Variants in SPRR3 observed in about 807,000 individuals in gnomAD.
SPRR3 encodes the protein small proline-rich protein 3.
For missense variants in SPRR3, 183 were observed against 200.3 expected (o/e 0.91, Z 0.52); for synonymous variants, 58 against 72.3 (o/e 0.80, Z 1.01).
Position 153,003,550 on chromosome 1 carries a change from C to T in SPRR3, c.*20C>T. ...AAGTAATTTGGTGCACAGACAAGCC[C>T]TTGAGAAGCCAACCACCAGATGCTG... On this transcript the variant is annotated 3_prime_UTR_variant, in exon 2 of 2. Transcript: ENST00000295367. 1.9e-6 allele frequency: 3 copies of T among 1,609,664 alleles called. No homozygotes were observed. The highest frequency in any genetic ancestry group is 2.5e-6 in the Non-Finnish European group (3 of 1,176,784).
At position 153,003,418 on chromosome 1, in the gene SPRR3, T is replaced by A; in HGVS notation, c.398T>A (p.Val133Asp). ...IKFPEPGAIK[V>D]PEQGYTKVPV... ...TTTCCTGAGCCAGGTGCCATCAAAGTTCCTGAGCAAGGATACACCAAAGTT... is the reference window on the plus strand; with the variant it reads ...TTTCCTGAGCCAGGTGCCATCAAAGATCCTGAGCAAGGATACACCAAAGTT... The change falls in exon 2 of 2, where the codon GTT (valine) becomes GAT (aspartate). Residue 133 changes from valine to aspartate, a missense_variant. Transcript: ENST00000295367. 6.2e-7 allele frequency: 1 copy of A among 1,614,086 alleles called. No individual in the cohort carries two copies. The highest frequency in any genetic ancestry group is 8.5e-7 in the Non-Finnish European group (1 of 1,180,008).
rs1553220487 is a variant in SPRR3, at chr1:153,003,197, C to T, written c.177C>T (p.Thr59=). The part of the protein sequence containing the change: ...GNTKIPEPGC[T]KVPEPGCTKV... ...CAAAGATTCCAGAGCCAGGCTGTAC[C>T]AAGGTCCCTGAGCCAGGCTGTACCA... The change falls in exon 2 of 2, where the codon ACC becomes ACT. Residue 59 remains threonine, a synonymous_variant. Transcript: ENST00000295367. The T allele has an allele frequency of 2.6e-6, 4 of 1,518,224 alleles. No individual in the cohort carries two copies. The highest frequency in any genetic ancestry group is 2.7e-6 in the Non-Finnish European group (3 of 1,131,484). 94.0% of individuals were successfully genotyped at this position (1,518,224 alleles called of 1,614,324 possible).
chr1:153,003,795 G>T lies in SPRR3; in HGVS notation c.*265G>T, dbSNP rs936585709. 13 of 519,232 alleles carry T rather than the reference G, an allele frequency of 2.5e-5. No individual in the cohort carries two copies. Among genetic ancestry groups the T allele is most frequent in the Non-Finnish European group, 4.5e-5 (13 of 288,178 alleles). The allele number at this position is 519,232 out of a possible 1,614,324, so 32.2% of individuals were successfully genotyped here. On this transcript the variant is annotated 3_prime_UTR_variant, in exon 2 of 2. Transcript: ENST00000295367. ...TTCGGCTGCTCAGGGTTCATCTGAA[G>T]ATTCGAATGAAAAGAAATGCATGTT...
At position 153,003,577 on chromosome 1, in the gene SPRR3, A is replaced by G. The variant is rs146538341; in HGVS notation, c.*47A>G. On this transcript the variant is annotated 3_prime_UTR_variant, in exon 2 of 2. Transcript: ENST00000295367. Reference sequence around the variant, plus strand: ...TGAGAAGCCAACCACCAGATGCTGGACACCCTCTTCCCATCTGTTTCTGTG... The same window carrying G: ...TGAGAAGCCAACCACCAGATGCTGGGCACCCTCTTCCCATCTGTTTCTGTG... 548 of 1,600,272 alleles carry G rather than the reference A, an allele frequency of 3.4e-4. 5 individuals carry two copies. In the East Asian group the frequency reaches 9.5e-3, roughly 28 times the overall value.
chr1:153,003,210 C>T lies in SPRR3; in HGVS notation c.190C>T (p.Pro64Ser), dbSNP rs2101572166. 1 of 1,589,414 alleles carries T rather than the reference C, an allele frequency of 6.3e-7. No homozygotes were observed. Among genetic ancestry groups the T allele is most frequent in the Non-Finnish European group, 8.6e-7 (1 of 1,167,098 alleles). ...PEPGCTKVPE[P>S]GCTKVPEPGC... is the part of the protein sequence containing the mutation. ...GCCAGGCTGTACCAAGGTCCCTGAG[C>T]CAGGCTGTACCAAGGTCCCTGAGCC... Residue 64 changes from proline to serine, a missense_variant, in exon 2 of 2, where the codon CCA (proline) becomes TCA (serine). Transcript: ENST00000295367.
intron 1 of SPRR3, chr1:153,002,352 C>T (rs1214300746): frequency 6.6e-6 from 1 of 152,608 alleles, no homozygotes; most frequent in Non-Finnish European, 1.5e-5. Flanking sequence ...TGAACAGAGG[C>T]TCCCAGGTGG....
chr1:153,003,125 C>G lies in SPRR3; in HGVS notation c.105C>G (p.Pro35=). 1 of 1,614,084 alleles carries G rather than the reference C, an allele frequency of 6.2e-7. No homozygotes were observed. Among genetic ancestry groups the G allele is most frequent in the Non-Finnish European group, 8.5e-7 (1 of 1,180,024 alleles). ...SQPPPQEIFV[P]TTKEPCHSKV... Reference sequence around the variant, plus strand: ...CTCCACCTCAGGAAATATTTGTTCCCACAACCAAGGAGCCATGCCACTCAA... The same window carrying G: ...CTCCACCTCAGGAAATATTTGTTCCGACAACCAAGGAGCCATGCCACTCAA... The change falls in exon 2 of 2, where the codon CCC becomes CCG. Residue 35 remains proline, a synonymous_variant. Transcript: ENST00000295367.
rs1420565927 is a variant in SPRR3, at chr1:153,003,777, G to A, written c.*247G>A. The stretch of plus-strand genomic sequence containing the variant: ...TTCATGGCTTTTCTGGTCTTCGGCT[G>A]CTCAGGGTTCATCTGAAGATTCGAA... On this transcript the variant is annotated 3_prime_UTR_variant, in exon 2 of 2. Coordinates refer to ENST00000295367, the MANE Select transcript of SPRR3 (RefSeq NM_001097589.2). 3.6e-6 allele frequency: 2 copies of A among 562,402 alleles called. No homozygotes were observed. The highest frequency in any genetic ancestry group is 2.9e-5 in the South Asian group (1 of 33,962). 34.8% of individuals were successfully genotyped at this position (562,402 alleles called of 1,614,324 possible).
Position 153,003,058 on chromosome 1 carries a change from C to G in SPRR3, c.38C>G (p.Pro13Arg). 6.2e-7 allele frequency: 1 copy of G among 1,614,122 alleles called. No homozygotes were observed. The highest frequency in any genetic ancestry group is 8.5e-7 in the Non-Finnish European group (1 of 1,180,006). The change falls in exon 2 of 2, where the codon CCA (proline) becomes CGA (arginine). Residue 13 changes from proline to arginine, a missense_variant. Physicochemically the swap from Pro to Arg is moderately radical, Grantham distance 103. Coordinates refer to ENST00000295367, the MANE Select transcript of SPRR3 (RefSeq NM_001097589.2). ...CAGCAGAAGCAGACCTTTACCCCACCACCTCAGCTTCAACAGCAGCAGGTG... is the reference window on the plus strand; with the variant it reads ...CAGCAGAAGCAGACCTTTACCCCACGACCTCAGCTTCAACAGCAGCAGGTG... ...SYQQKQTFTP[P>R]PQLQQQQVKQ...
intron 1 of SPRR3, chr1:153,002,024 C>A (rs1031880291): frequency 2.0e-5 from 3 of 152,160 alleles, no homozygotes; most frequent in African/African-American, 7.2e-5. Context: ...ACAATATACC[C>A]ACTTCAAGAG....
chr1:153,002,895 A>G, intron 1 of SPRR3, 107 bp from the exon 2 acceptor site: 1 of 1,219,766 alleles, frequency 8.2e-7, no homozygotes, highest in South Asian at 1.6e-5. Context: ...AAAGAAAGAA[A>G]AGAGAGGCTC....
Position 153,003,766 on chromosome 1 carries a change from G to A in SPRR3, c.*236G>A. On this transcript the variant is annotated 3_prime_UTR_variant, in exon 2 of 2. Transcript: ENST00000295367. ...AGCAGAAAGTCTTCATGGCTTTTCT[G>A]GTCTTCGGCTGCTCAGGGTTCATCT... is the stretch of plus-strand genomic sequence containing the variant. 3.4e-6 allele frequency: 2 copies of A among 593,218 alleles called. No individual in the cohort carries two copies. The highest frequency in any genetic ancestry group is 5.9e-6 in the Non-Finnish European group (2 of 340,426). 36.7% of individuals were successfully genotyped at this position (593,218 alleles called of 1,614,324 possible).
In SPRR3 at chr1:153,003,189, GGCTGT is replaced by G. The variant is rs770044412; in HGVS notation, c.170_174del (p.Gly57AspfsTer5). 3 of 1,524,896 alleles carry G rather than the reference GGCTGT, an allele frequency of 2.0e-6. No homozygotes were observed. The highest frequency in any genetic ancestry group is 2.4e-5 in the South Asian group (2 of 84,120). 94.5% of individuals were successfully genotyped at this position (1,524,896 alleles called of 1,614,324 possible). ...TGGAAACACAAAGATTCCAGAGCCA[GGCTGT>G]ACCAAGGTCCCTGAGCCAGGCTGTA... On this transcript the variant is annotated frameshift_variant, in exon 2 of 2. Transcript: ENST00000295367. LOFTEE classifies it low-confidence loss of function (END_TRUNC).
In SPRR3 at chr1:153,003,820, T is replaced by G; in HGVS notation, c.*290T>G. The G allele has an allele frequency of 4.3e-6, 2 of 467,750 alleles. No homozygotes were observed. Among genetic ancestry groups the G allele is most frequent in the Non-Finnish European group, 3.9e-6 (1 of 253,550 alleles). 29.0% of individuals were successfully genotyped at this position (467,750 alleles called of 1,614,324 possible). A position where few individuals can be genotyped will look rare whatever the true frequency, so the allele number is the denominator to read the frequency against. On this transcript the variant is annotated 3_prime_UTR_variant, in exon 2 of 2. Transcript: ENST00000295367. The stretch of plus-strand genomic sequence containing the variant: ...GATTCGAATGAAAAGAAATGCATGT[T>G]TCCTGCTCTTCCCTCATTAAATTGC...
rs750105068 is a variant in SPRR3, at chr1:153,003,346, TC to T, written c.329del (p.Pro110LeufsTer90). On this transcript the variant is annotated frameshift_variant, in exon 2 of 2. Coordinates refer to ENST00000295367, the MANE Select transcript of SPRR3 (RefSeq NM_001097589.2). LOFTEE classifies it low-confidence loss of function (END_TRUNC). ...GTCCCTGAGCCAGGCTACACCAAGGTCCCTGAACCAGGCAGCATCAAGGTCC... is the reference window on the plus strand; with the variant it reads ...GTCCCTGAGCCAGGCTACACCAAGGTCCTGAACCAGGCAGCATCAAGGTCC... ...TKVPEPGYTK[V>X]PEPGSIKVPD... 6.2e-7 allele frequency: 1 copy of T among 1,609,694 alleles called. No individual in the cohort carries two copies.
rs774269402 is a variant in SPRR3 at position 153,003,203 on chromosome 1, CCCTGAGCCAGGCTGTACCA to C, written c.184_202del (p.Pro62ArgfsTer132). 18 of 1,193,302 alleles carry C rather than the reference CCCTGAGCCAGGCTGTACCA, an allele frequency of 1.5e-5. No homozygotes were observed. The highest frequency in any genetic ancestry group is 1.3e-4 in the East Asian group (2 of 15,384). 73.9% of individuals were successfully genotyped at this position (1,193,302 alleles called of 1,614,324 possible). A position where few individuals can be genotyped will look rare whatever the true frequency, so the allele number is the denominator to read the frequency against. On this transcript the variant is annotated frameshift_variant, in exon 2 of 2. Transcript: ENST00000295367. LOFTEE classifies it low-confidence loss of function (END_TRUNC). ...TTCCAGAGCCAGGCTGTACCAAGGT[CCCTGAGCCAGGCTGTACCA>C]AGGTCCCTGAGCCAGGCTGTACCAA...
At chr1:153,002,461 A>AT in intron 1 of SPRR3, 3 of 158,602 alleles carry the variant, frequency 1.9e-5, no homozygotes, top group South Asian at 1.8e-4. Flanking sequence ...TAGACTGCTG[A>AT]CCTTAAAATC....
In SPRR3 at chr1:153,003,381, G is replaced by A; in HGVS notation, c.361G>A (p.Gly121Ser). The A allele has an allele frequency of 6.2e-7, 1 of 1,614,048 alleles. No individual in the cohort carries two copies. Among genetic ancestry groups the A allele is most frequent in the Non-Finnish European group, 8.5e-7 (1 of 1,179,970 alleles). Residue 121 changes from glycine to serine, a missense_variant, in exon 2 of 2, where the codon GGC (glycine) becomes AGC (serine). Physicochemically the swap from Gly to Ser is moderately conservative, Grantham distance 56. Transcript: ENST00000295367. Reference protein sequence around the residue: ...EPGSIKVPDQGFIKFPEPGAI... With the variant: ...EPGSIKVPDQSFIKFPEPGAI... ...AGGCAGCATCAAGGTCCCTGACCAA[G>A]GCTTCATCAAGTTTCCTGAGCCAGG...
rs1652881078 is a variant in SPRR3 at position 153,003,560 on chromosome 1, C to T, written c.*30C>T. 1.9e-6 allele frequency: 3 copies of T among 1,607,602 alleles called. No homozygotes were observed. The highest frequency in any genetic ancestry group is 2.7e-5 in the African/African-American group (2 of 74,726). ...GTGCACAGACAAGCCCTTGAGAAGC[C>T]AACCACCAGATGCTGGACACCCTCT... On this transcript the variant is annotated 3_prime_UTR_variant, in exon 2 of 2. Coordinates refer to ENST00000295367, the MANE Select transcript of SPRR3 (RefSeq NM_001097589.2).
Sources: gnomAD v4.1 joint callset for allele counts on GRCh38, gnomAD v4.1.1 for gene constraint, MANE v1.5 for transcripts, NCBI Gene and HGNC (gene_info 2026-07-23, HGNC 2026-07-21) for gene names.